AKAP8L: variants seen among roughly 807,000 people sequenced by gnomAD.
The protein encoded by AKAP8L is A-kinase anchoring protein 8 like, also known as A-kinase anchor protein 8-like.
Under a neutral mutation model 77.5 loss-of-function variants are expected in AKAP8L, and 34 were observed. That is an observed-to-expected ratio of 0.44 (90% confidence interval 0.33 to 0.58). AKAP8L has a LOEUF of 0.58. Among genes scored for constraint, AKAP8L ranks in the 20% least tolerant of loss-of-function variants. AKAP8L has a pLI of 0.02. For synonymous variants in AKAP8L, 342 were observed against 340.7 expected, an observed-to-expected ratio of 1.00 and a Z score of -0.04; for missense variants, 806 against 887.6, an observed-to-expected ratio of 0.91 and a Z score of 1.17.
In AKAP8L at chr19:15,399,357, C is replaced by T. The variant is rs774675013; in HGVS notation, c.1102G>A (p.Gly368Ser). Residue 368 changes from glycine to serine, a missense_variant, in exon 9 of 14, where the codon GGC becomes AGC. Around this residue, in one of 2 missense-constraint regions of AKAP8L, gnomAD observed 580 missense variants for 694.1 expected, o/e 0.84. Transcript: ENST00000397410. The surrounding 1 kb of genome is among the most constrained non-coding windows in gnomAD (Gnocchi z 6.1). ...TTCTGCTTGTCCTGACTCTTCTTGC[C>T]TGCCTGCAACTTGCGCTTGGTCTGG... ...NGQTKRKLQA[G>S]KKSQDKQKKR... 1.2e-6 allele frequency: 2 copies of T among 1,613,812 alleles called. No individual in the cohort carries two copies. The highest frequency in any genetic ancestry group is 1.7e-6 in the Non-Finnish European group (2 of 1,179,858).
At position 15,398,053 on chromosome 19, in the gene AKAP8L, G is replaced by T; in HGVS notation, c.1158-198C>A. On this transcript the variant is annotated intron_variant, in intron 9 of 13. Coordinates refer to ENST00000397410, the MANE Select transcript of AKAP8L (RefSeq NM_014371.4). The surrounding 1 kb of genome is among the most constrained non-coding windows in gnomAD (Gnocchi z 9.2). ...AGAAAGTCTGCAGGCTGCAGTTACT[G>T]CAACGTAGGGGACAGGGGAGGAGCT... The T allele has an allele frequency of 1.6e-6, 1 of 619,422 alleles. No homozygotes were observed. The highest frequency in any genetic ancestry group is 2.8e-6 in the Non-Finnish European group (1 of 357,290). 38.4% of individuals were successfully genotyped at this position (619,422 alleles called of 1,614,324 possible).
At position 15,407,694 on chromosome 19, in the gene AKAP8L, GTA is replaced by G. The variant is rs912254144; in HGVS notation, c.88+2824_88+2825del. 1.3e-3 allele frequency among the ~76,000 whole-genome samples: 205 copies of G among 152,292 alleles called. 4 individuals are homozygous for G. The highest frequency in any genetic ancestry group is 2.4e-4 in the Non-Finnish European group (16 of 68,020). ...AAAAACTTGGCGTAAATCTAACAAA[GTA>G]TGTGTAGGATCTGTGTTGAAAACTA... On this transcript the variant is annotated intron_variant, in intron 2 of 13. Transcript: ENST00000397410.
At chr19:15,406,881 C>T (rs1968012146) in intron 2 of AKAP8L, among the ~76,000 whole-genome samples, 1 of 152,206 alleles carries the variant, frequency 6.6e-6, no homozygotes, top group Admixed American at 6.5e-5. Context: ...TCAGATTACA[C>T]CTACCTACTC....
At chr19:15,413,969 C>A (rs1968153671) in intron 1 of AKAP8L, among the ~76,000 whole-genome samples, 1 of 152,166 alleles carries the variant, frequency 6.6e-6, no homozygotes, top group African/African-American at 2.4e-5. Context: ...ATACCCTGCA[C>A]CACATTAACA....
chr19:15,394,183 G>C (rs1482739704), intron 12 of AKAP8L, among the ~76,000 whole-genome samples: 1 of 151,490 alleles, frequency 6.6e-6, no homozygotes, highest in Admixed American at 6.6e-5. Context: ...CACCCAAAAA[G>C]ATAAATAAAC....
In AKAP8L at chr19:15,399,547, T is replaced by A; in HGVS notation, c.1049-137A>T. On this transcript the variant is annotated intron_variant, in intron 8 of 13. Coordinates refer to ENST00000397410, the MANE Select transcript of AKAP8L (RefSeq NM_014371.4). The surrounding 1 kb of genome is among the most constrained non-coding windows in gnomAD (Gnocchi z 6.1). ...GCTGTCCAAGCAAGGCCTCTGGCCA[T>A]GAGCAGGGCTGGGTATCCTGGGCTG... The A allele has an allele frequency of 1.4e-6, 1 of 697,756 alleles. No homozygotes were observed. The highest frequency in any genetic ancestry group is 1.6e-5 in the South Asian group (1 of 62,126). 43.2% of individuals were successfully genotyped at this position (697,756 alleles called of 1,614,324 possible).
chr19:15,404,166 A>G lies in AKAP8L; in HGVS notation c.89-124T>C. On this transcript the variant is annotated intron_variant, in intron 2 of 13. Coordinates refer to ENST00000397410, the MANE Select transcript of AKAP8L (RefSeq NM_014371.4). ...CAGGCTGCACCTCCCCTAACCGAGA[A>G]GCCTTGAGCTCGCGAGCACTGCGCA... 3.1e-6 allele frequency: 3 copies of G among 966,724 alleles called. No homozygotes were observed. The South Asian group carries it at 4.7e-5, about 15-fold the overall frequency. 59.9% of individuals were successfully genotyped at this position (966,724 alleles called of 1,614,324 possible).
chr19:15,393,150 TA>T (rs966824614), intron 12 of AKAP8L, among the ~76,000 whole-genome samples: 15 of 151,950 alleles, frequency 9.9e-5, no homozygotes, highest in Admixed American at 7.9e-4. Context: ...ATGCAAAAAA[TA>T]AAGTTAGAAC....
At chr19:15,407,819 A>G (rs1968030500) in intron 2 of AKAP8L, among the ~76,000 whole-genome samples, 1 of 152,242 alleles carries the variant, frequency 6.6e-6, no homozygotes, top group South Asian at 2.1e-4. Context: ...TATAGATTCT[A>G]CAGATTTGAT....
chr19:15,387,012 C>G (rs570744429), intron 12 of AKAP8L, among the ~76,000 whole-genome samples: 2 of 152,300 alleles, frequency 1.3e-5, no homozygotes, highest in Admixed American at 1.3e-4. Context: ...AGGCTAAGTT[C>G]TAGACAAGCA....
chr19:15,404,129 G>A, intron 2 of AKAP8L, 87 bp from the exon 3 acceptor site: 1 of 1,417,140 alleles, frequency 7.1e-7, no homozygotes, highest in Non-Finnish European at 9.9e-7. Flanking sequence ...CCCAGGACCT[G>A]ACTGGTCAGA....
At chr19:15,400,724 G>C in intron 7 of AKAP8L, 70 bp downstream of exon 7, 1 of 1,565,992 alleles carries the variant, frequency 6.4e-7, no homozygotes, top group Non-Finnish European at 8.8e-7. Flanking sequence ...CTGGCCCCCA[G>C]GGAGAGCACC....
chr19:15,382,898 A>G (rs1967448573), intron 12 of AKAP8L, among the ~76,000 whole-genome samples: 1 of 152,188 alleles, frequency 6.6e-6, no homozygotes, highest in Admixed American at 6.5e-5. Context: ...TTTTCAGATG[A>G]CGGATGAACT....
intron 1 of AKAP8L, among the ~76,000 whole-genome samples, chr19:15,417,062 G>T (rs1385257813): frequency 6.6e-6 from 1 of 151,968 alleles, no homozygotes; most frequent in African/African-American, 2.4e-5. Flanking sequence ...TTTTAGCTTG[G>T]CTATCTCAGT....
intron 12 of AKAP8L, among the ~76,000 whole-genome samples, chr19:15,384,983 T>TC (rs1967500088): frequency 1.3e-5 from 2 of 150,860 alleles, no homozygotes; most frequent in East Asian, 3.9e-4. Flanking sequence ...CCATTCTCTT[T>TC]TTTTTTTTTT....
At chr19:15,400,151 GC>G in intron 8 of AKAP8L, 143 bp downstream of exon 8, 1 of 791,324 alleles carries the variant, frequency 1.3e-6, no homozygotes. Context: ...CGAAAAGAAA[GC>G]CCCCTGCCAG....
chr19:15,404,905 G>GGTTC (rs1160711446), intron 2 of AKAP8L, among the ~76,000 whole-genome samples: 1 of 152,216 alleles, frequency 6.6e-6, no homozygotes. Flanking sequence ...CCTGCACTTG[G>GGTTC]GTTCCTCCAC....
Position 15,401,189 on chromosome 19 carries a change from C to T in AKAP8L, c.777G>A (p.Met259Ile), listed in dbSNP as rs1276302789. The T allele has an allele frequency of 6.2e-7, 1 of 1,610,590 alleles. No homozygotes were observed. Among genetic ancestry groups the T allele is most frequent in the Non-Finnish European group, 8.5e-7 (1 of 1,178,512 alleles). ...GFGFGNGMKQ[M>I]RRTWKTWTTA... is the part of the protein sequence containing the mutation. ...TGGTCCAGGTCTTCCAGGTCCGCCT[C>T]ATCTGCTTCATGCCATTGCCAAACC... is the stretch of plus-strand genomic sequence containing the variant. Residue 259 changes from methionine (M) to isoleucine (I), a missense_variant, in exon 5 of 14, where the codon ATG (methionine) becomes ATA (isoleucine). Coordinates refer to ENST00000397410, the MANE Select transcript of AKAP8L (RefSeq NM_014371.4). The surrounding 1 kb of genome is among the most constrained non-coding windows in gnomAD (Gnocchi z 6.2).
chr19:15,383,838 AT>A, intron 12 of AKAP8L: 1 of 152,082 alleles, frequency 6.6e-6, no homozygotes. Context: ...GTCTATATTA[AT>A]TTGGAGAGAA....
Sources: gnomAD v4.1 joint callset for allele counts (sites outside exome capture counted in the v4.1 genomes callset) on GRCh38, gnomAD v4.1.1 for gene constraint, gnomAD v4.1.1 regional missense constraint, Gnocchi (gnomAD v3.1) non-coding constraint, MANE v1.5 for transcripts, NCBI Gene and HGNC (gene_info 2026-07-23, HGNC 2026-07-21) for gene names.